Variants in CNTN5 observed in about 807,000 individuals in gnomAD.
CNTN5 encodes the protein contactin-5.
CNTN5 carries 77 observed loss-of-function variants against 129.1 expected under a neutral mutation model. That is an observed-to-expected ratio of 0.60 (90% CI 0.50 to 0.72). The LOEUF (loss-of-function observed/expected upper bound fraction) is 0.72. Among genes scored for constraint, CNTN5 ranks in the 30% least tolerant of loss-of-function variants. CNTN5 has a pLI of 0.00. For synonymous variants in CNTN5, 509 were observed against 465.6 expected, an observed-to-expected ratio of 1.09 and a Z score of -1.20; for missense variants, 1,478 against 1,328.8, an observed-to-expected ratio of 1.11 and a Z score of -1.75.
chr11:100,151,434 TAGG>T (rs147831823), intron 13 of CNTN5, among the ~76,000 whole-genome samples: 6,502 of 151,920 alleles, frequency 0.043, 457 homozygotes, highest in African/African-American at 0.15. Context: ...AAAATGAGAG[TAGG>T]AGATTATAGA....
intron 3 of CNTN5, among the ~76,000 whole-genome samples, chr11:99,738,689 A>G (rs2135144917): frequency 6.6e-6 from 1 of 151,258 alleles, no homozygotes; most frequent in South Asian, 2.1e-4. Flanking sequence ...TACTAAAGGA[A>G]GAAATGTTGA....
rs554550742 is a variant in CNTN5, at chr11:100,138,458, T to C, written c.1581-52668T>C. On this transcript the variant is annotated intron_variant, in intron 13 of 24. Transcript: ENST00000524871. ...GTAAAGAATGTGATTTGTCAGATTG[T>C]GTTAAGTGCAATGGAGAAAAAAATA... Among the ~76,000 whole-genome samples, 11 of 152,094 alleles carry C rather than the reference T, an allele frequency of 7.2e-5. No homozygotes were observed. The South Asian group carries it at 2.3e-3, about 32-fold the overall frequency.
chr11:99,812,690 G>A (rs934072156), intron 3 of CNTN5, among the ~76,000 whole-genome samples: 3 of 152,044 alleles, frequency 2.0e-5, no homozygotes, highest in Non-Finnish European at 4.4e-5. Flanking sequence ...TCTGACTTTG[G>A]AACCTCTATT....
At chr11:100,173,862 C>G (rs991997229) in intron 13 of CNTN5, among the ~76,000 whole-genome samples, 2 of 152,068 alleles carry the variant, frequency 1.3e-5, no homozygotes, top group Non-Finnish European at 2.9e-5. Context: ...CCCTTGCCTG[C>G]TCATTCTGTC....
intron 1 of CNTN5, chr11:99,120,174 G>C (rs1202151050): frequency 1.3e-5 from 2 of 152,098 alleles, no homozygotes; most frequent in Non-Finnish European, 2.9e-5. Flanking sequence ...TGCTTTTGGT[G>C]TGTTTCTCAT....
intron 4 of CNTN5, among the ~76,000 whole-genome samples, chr11:99,836,608 T>C (rs902053724): frequency 6.6e-6 from 1 of 152,166 alleles, no homozygotes; most frequent in African/African-American, 2.4e-5. Flanking sequence ...AACATACGTG[T>C]GCATGTGTCT....
chr11:99,837,623 G>A (rs930155144), intron 4 of CNTN5, among the ~76,000 whole-genome samples: 1 of 148,398 alleles, frequency 6.7e-6, no homozygotes, highest in Non-Finnish European at 1.5e-5. Context: ...AAGTGTCCCA[G>A]TGTTCCTAGG....
intron 3 of CNTN5, among the ~76,000 whole-genome samples, chr11:99,793,139 A>T (rs543888385): frequency 6.6e-6 from 1 of 151,598 alleles, no homozygotes; most frequent in Admixed American, 6.6e-5. Context: ...GGCTCACTGC[A>T]ACCTCTTCCT....
chr11:100,157,952 A>C (rs1947313149), intron 13 of CNTN5, among the ~76,000 whole-genome samples: 1 of 151,838 alleles, frequency 6.6e-6, no homozygotes, highest in African/African-American at 2.4e-5. Context: ...GTAAACATAA[A>C]ATTTTTAAAC....
rs1389935675 is a variant in CNTN5 at position 99,272,993 on chromosome 11, G to A, written c.-209-52353G>A. On this transcript the variant is annotated intron_variant, in intron 1 of 24. Coordinates refer to ENST00000524871, the MANE Select transcript of CNTN5 (RefSeq NM_014361.4). ...AAGTATAAGTTACATTTCTAACAGA[G>A]ACACTGAAAGCCTGTCTAAACAATT... Among the ~76,000 whole-genome samples the A allele has an allele frequency of 2.0e-5, 3 of 151,912 alleles. No individual in the cohort carries two copies. In the East Asian group the frequency reaches 5.8e-4, roughly 30 times the overall value.
At chr11:99,698,223 C>A (rs1452040929) in intron 3 of CNTN5, among the ~76,000 whole-genome samples, 1 of 150,950 alleles carries the variant, frequency 6.6e-6, no homozygotes, top group Non-Finnish European at 1.5e-5. Context: ...TCAAGTATTA[C>A]ATTACATTAT....
chr11:100,274,607 C>T (rs963152282), intron 18 of CNTN5, among the ~76,000 whole-genome samples: 1 of 152,158 alleles, frequency 6.6e-6, no homozygotes. Flanking sequence ...ACGTGGCCAA[C>T]AATCATGTGA....
rs184821211 is a variant in CNTN5, at chr11:100,217,421, G to A, written c.1885-7271G>A. Among the ~76,000 whole-genome samples the A allele has an allele frequency of 1.4e-3, 214 of 152,254 alleles. 1 individual carries two copies. The Middle Eastern group carries it at 0.017, about 12-fold the overall frequency. On this transcript the variant is annotated intron_variant, in intron 15 of 24. Transcript: ENST00000524871. The stretch of plus-strand genomic sequence containing the variant: ...CAAAATGACAGTCTACCAAGTTCTT[G>A]TTAAATAATTACATAATTGTGCATG...
intron 2 of CNTN5, among the ~76,000 whole-genome samples, chr11:99,335,118 A>C (rs1418894540): frequency 6.6e-6 from 1 of 152,188 alleles, no homozygotes; most frequent in Admixed American, 6.5e-5. Context: ...GCAAATATTC[A>C]GCATTTGTTT....
chr11:100,067,697 A>G (rs1310921280), intron 10 of CNTN5, among the ~76,000 whole-genome samples: 2 of 152,068 alleles, frequency 1.3e-5, no homozygotes, highest in Non-Finnish European at 2.9e-5. Flanking sequence ...TTACTTGTAG[A>G]ATTCTTGGTA....
At chr11:99,439,572 G>A (rs1359058355) in intron 2 of CNTN5, among the ~76,000 whole-genome samples, 4 of 151,644 alleles carry the variant, frequency 2.6e-5, no homozygotes, top group Admixed American at 6.6e-5. Flanking sequence ...GCCTGGCGTG[G>A]TGGTGTGCAC....
rs964479112 is a variant in CNTN5, at chr11:99,251,967, T to C, written c.-209-73379T>C. ...TTAGATCCAAGTGACTGAAAACTTC[T>C]ATATGTAACTTTGATTTACATTTCT... On this transcript the variant is annotated intron_variant, in intron 1 of 24. Coordinates refer to ENST00000524871, the MANE Select transcript of CNTN5 (RefSeq NM_014361.4). Among the ~76,000 whole-genome samples the C allele has an allele frequency of 1.1e-4, 17 of 152,162 alleles. 1 individual carries two copies. The highest frequency in any genetic ancestry group is 3.4e-3 in the Middle Eastern group (1 of 294).
At chr11:99,886,184 CTG>C (rs1948897633) in intron 6 of CNTN5, among the ~76,000 whole-genome samples, 1 of 151,852 alleles carries the variant, frequency 6.6e-6, no homozygotes, top group Non-Finnish European at 1.5e-5. Context: ...AGATGTTTCA[CTG>C]TAATATATTC....
chr11:99,479,278 C>A (rs1555000219), intron 2 of CNTN5, among the ~76,000 whole-genome samples: 2 of 148,000 alleles, frequency 1.4e-5, no homozygotes, highest in Admixed American at 6.8e-5. Context: ...TTTTTTTTTA[C>A]TATTTTATAA....
Sources: allele counts gnomAD v4.1 joint callset (sites outside exome capture counted in the v4.1 genomes callset), GRCh38; gene constraint gnomAD v4.1.1; transcripts MANE v1.5; gene names NCBI Gene and HGNC (gene_info 2026-07-23, HGNC 2026-07-21).